Variants in UBR3 observed in about 807,000 individuals in gnomAD.
UBR3 encodes E3 ubiquitin-protein ligase UBR3.
A neutral mutation model predicts 243.2 loss-of-function variants in UBR3; 85 were observed. The observed-to-expected ratio is 0.35, with a 90% CI of 0.29 to 0.42. UBR3 has a LOEUF of 0.42. Ranked by LOEUF, UBR3 falls within the 10% of genes least tolerant of loss-of-function variation. The pLI is 1.00. For missense variants in UBR3, 1,686 were observed against 2,300.8 expected, an observed-to-expected ratio of 0.73 and a Z score of 5.47; for synonymous variants, 748 against 799.8, an observed-to-expected ratio of 0.94 and a Z score of 1.09.
chr2:169,944,139 G>T (rs1179173839), intron 20 of UBR3, among the ~76,000 whole-genome samples: 1 of 152,048 alleles, frequency 6.6e-6, no homozygotes, highest in Non-Finnish European at 1.5e-5. Context: ...ACAAATAATG[G>T]ACAGTCTTTG....
chr2:169,902,412 C>A (rs371390607), intron 8 of UBR3, among the ~76,000 whole-genome samples: 2 of 152,274 alleles, frequency 1.3e-5, no homozygotes, highest in East Asian at 3.9e-4. Flanking sequence ...AAAGTCCTGA[C>A]GCTGGTTTAT....
chr2:169,920,010 C>T (rs1285954894), intron 11 of UBR3, among the ~76,000 whole-genome samples: 4 of 152,210 alleles, frequency 2.6e-5, no homozygotes, highest in South Asian at 2.1e-4. Flanking sequence ...CACATGCACA[C>T]GTATGTTTAT....
Position 169,928,712 on chromosome 2 carries a change from TGACA to T in UBR3, c.2425-14_2425-11del, listed in dbSNP as rs1157162827. On this transcript the variant is annotated splice_polypyrimidine_tract_variant and intron_variant, in intron 17 of 38. Coordinates refer to ENST00000272793, the MANE Select transcript of UBR3 (RefSeq NM_172070.4). Reference sequence around the variant, plus strand: ...CTTTTTGTTACTAATATTTTTTTCTTGACATATATATCATATTCCAGAAAATCCT... The same window carrying T: ...CTTTTTGTTACTAATATTTTTTTCTTTATATATCATATTCCAGAAAATCCT... 3 of 1,451,232 alleles carry T rather than the reference TGACA, an allele frequency of 2.1e-6. No homozygotes were observed. Among genetic ancestry groups the T allele is most frequent in the Admixed American group, 4.4e-5 (2 of 45,190 alleles). The allele number at this position is 1,451,232 out of a possible 1,614,324, so 89.9% of individuals were successfully genotyped here. A position where few individuals can be genotyped will look rare whatever the true frequency, so the allele number is the denominator to read the frequency against.
At chr2:169,955,547 A>C (rs1455598060) in intron 23 of UBR3, among the ~76,000 whole-genome samples, 2 of 151,982 alleles carry the variant, frequency 1.3e-5, no homozygotes, top group African/African-American at 2.4e-5. Context: ...TAATCCCAGC[A>C]CTTTGGGAGG....
chr2:170,026,459 A>G (rs1323141955), intron 30 of UBR3, among the ~76,000 whole-genome samples: 1 of 152,118 alleles, frequency 6.6e-6, no homozygotes, highest in Non-Finnish European at 1.5e-5. Context: ...TTATTACTAT[A>G]TAATAGACCA....
intron 5 of UBR3, among the ~76,000 whole-genome samples, chr2:169,882,291 T>C (rs2083910395): frequency 7.2e-6 from 1 of 138,692 alleles, no homozygotes; most frequent in South Asian, 2.2e-4. Flanking sequence ...ATTTATATAT[T>C]GTATATTTAT....
intron 16 of UBR3, 68 bp from the exon 17 acceptor site, chr2:169,927,252 G>A: frequency 2.9e-6 from 4 of 1,362,284 alleles, no homozygotes; most frequent in East Asian, 5.0e-5. Context: ...AGTAAAAAGT[G>A]TGGTAAGTTT....
At chr2:169,912,180 A>G (rs968417986) in intron 10 of UBR3, among the ~76,000 whole-genome samples, 1 of 151,762 alleles carries the variant, frequency 6.6e-6, no homozygotes, top group Non-Finnish European at 1.5e-5. Flanking sequence ...GCACTTACAC[A>G]TTATACGTGA....
intron 1 of UBR3, among the ~76,000 whole-genome samples, chr2:169,852,610 A>AC (rs2082692307): frequency 6.6e-6 from 1 of 152,024 alleles, no homozygotes; most frequent in Middle Eastern, 3.4e-3. Context: ...TGGGAGGCCA[A>AC]CGCAGGCGGA....
chr2:169,923,434 C>G (rs570864949), intron 11 of UBR3, among the ~76,000 whole-genome samples: 1 of 152,136 alleles, frequency 6.6e-6, no homozygotes, highest in Admixed American at 6.5e-5. Flanking sequence ...ATTAGTAGCT[C>G]CTACCCCATA....
chr2:169,958,383 G>A, intron 23 of UBR3, 55 bp from the exon 24 acceptor site: 1 of 1,495,566 alleles, frequency 6.7e-7, no homozygotes, highest in Non-Finnish European at 9.2e-7. Context: ...CTGAAATATA[G>A]TAGCTAGGTC....
chr2:169,998,394 G>C (rs1054798524), intron 26 of UBR3, among the ~76,000 whole-genome samples: 14 of 152,128 alleles, frequency 9.2e-5, no homozygotes, highest in Admixed American at 9.2e-4. Flanking sequence ...ATACTCTGTT[G>C]TGTTTCTGTT....
chr2:169,838,110 C>T (rs995591205), intron 1 of UBR3, among the ~76,000 whole-genome samples: 1 of 152,096 alleles, frequency 6.6e-6, no homozygotes, highest in Non-Finnish European at 1.5e-5. Flanking sequence ...CTCTGGAAAA[C>T]TTCTGTTAAG....
intron 1 of UBR3, among the ~76,000 whole-genome samples, chr2:169,842,512 T>C (rs1176150805): frequency 1.3e-5 from 2 of 152,186 alleles, no homozygotes; most frequent in Non-Finnish European, 2.9e-5. Flanking sequence ...TAAATCTTGC[T>C]ACTGCTCACT....
In UBR3 at chr2:170,081,876, T is replaced by G; in HGVS notation, c.*33T>G. 7.3e-7 allele frequency: 1 copy of G among 1,376,206 alleles called. No homozygotes were observed. The highest frequency in any genetic ancestry group is 9.9e-7 in the Non-Finnish European group (1 of 1,013,022). 85.2% of individuals were successfully genotyped at this position (1,376,206 alleles called of 1,614,324 possible). On this transcript the variant is annotated 3_prime_UTR_variant, in exon 39 of 39. Transcript: ENST00000272793. ...CCTCAGCATTGCATCGTATCATCAT[T>G]TTCGCTACGAATTTATTTTTCAACA...
At chr2:169,881,970 A>ATGTAT (rs2083877248) in intron 5 of UBR3, among the ~76,000 whole-genome samples, 1 of 103,548 alleles carries the variant, frequency 9.7e-6, no homozygotes, top group Non-Finnish European at 2.1e-5. Context: ...ATACATATGT[A>ATGTAT]ATTATATTAT....
chr2:169,930,511 C>G (rs2105349143), intron 18 of UBR3, among the ~76,000 whole-genome samples: 1 of 152,060 alleles, frequency 6.6e-6, no homozygotes. Context: ...CTCAGCTTCC[C>G]CAGTAGCTGG....
intron 32 of UBR3, among the ~76,000 whole-genome samples, chr2:170,053,623 A>G (rs140884097): frequency 2.6e-5 from 4 of 152,240 alleles, no homozygotes; most frequent in Non-Finnish European, 5.9e-5. Flanking sequence ...GGGACCCCCA[A>G]CACAGCCACT....
chr2:169,914,249 T>C (rs554487462), intron 11 of UBR3, 103 bp downstream of exon 11: 2 of 531,058 alleles, frequency 3.8e-6, no homozygotes, highest in East Asian at 7.6e-5. Flanking sequence ...TACTTTTTCA[T>C]AGGCGAGGGA....
Sources: allele counts gnomAD v4.1 joint callset (sites outside exome capture counted in the v4.1 genomes callset), GRCh38; gene constraint gnomAD v4.1.1; transcripts MANE v1.5; gene names NCBI Gene and HGNC (gene_info 2026-07-23, HGNC 2026-07-21).